SLC71A2: variants seen among roughly 807,000 people sequenced by gnomAD.
The protein encoded by SLC71A2 is hippocampus abundant transcript-like 1.
chr9:94,378,729 C>A, the SLC71A2 span, among the ~76,000 whole-genome samples: 1 of 152,196 alleles, frequency 6.6e-6, no homozygotes, highest in Non-Finnish European at 1.5e-5. Flanking sequence ...AAACAGCTGC[C>A]ACTAGACCCC....
At chr9:94,402,853 T>C in the SLC71A2 span, among the ~76,000 whole-genome samples, 2 of 152,242 alleles carry the variant, frequency 1.3e-5, no homozygotes, top group Non-Finnish European at 2.9e-5. Context: ...TTTTAATGCA[T>C]GATGTAGTTT....
chr9:94,418,608 G>A, the SLC71A2 span, among the ~76,000 whole-genome samples: 1 of 151,854 alleles, frequency 6.6e-6, no homozygotes, highest in Non-Finnish European at 1.5e-5. Context: ...ACTAATTTTT[G>A]TATTTTTAGT....
the SLC71A2 span, among the ~76,000 whole-genome samples, chr9:94,431,557 C>T: frequency 1.3e-5 from 2 of 151,274 alleles, no homozygotes; most frequent in African/African-American, 4.9e-5. Flanking sequence ...TAAAGAAAAG[C>T]CAAGTTAAAA....
chr9:94,389,211 T>G, the SLC71A2 span, among the ~76,000 whole-genome samples: 1 of 151,714 alleles, frequency 6.6e-6, no homozygotes, highest in African/African-American at 2.4e-5. Context: ...TTATGTGTGC[T>G]CTTCATAAGT....
chr9:94,459,323 G>A, the SLC71A2 span: 1 of 1,614,174 alleles, frequency 6.2e-7, no homozygotes, highest in Non-Finnish European at 8.5e-7. Context: ...ACGGGGCAGT[G>A]ATGAGGACAT....
At chr9:94,458,569 T>TTTTA in the SLC71A2 span, 5 of 1,137,184 alleles carry the variant, frequency 4.4e-6, no homozygotes, top group Non-Finnish European at 6.5e-6. Context: ...TGTTACTATA[T>TTTTA]TTTATTTGGC....
the SLC71A2 span, chr9:94,461,042 A>G: frequency 6.6e-6 from 1 of 152,156 alleles, no homozygotes; most frequent in African/African-American, 2.4e-5. Context: ...TTTCAAAAAA[A>G]TTTTATTTTT....
At chr9:94,423,415 G>T in the SLC71A2 span, among the ~76,000 whole-genome samples, 3,849 of 152,228 alleles carry the variant, frequency 0.025, 73 homozygotes, top group Non-Finnish European at 0.038. Flanking sequence ...CTCGGGCATG[G>T]AAAAAGACAT....
chr9:94,453,959 C>T, the SLC71A2 span: 61 of 1,605,828 alleles, frequency 3.8e-5, no homozygotes, highest in Non-Finnish European at 2.8e-5. Context: ...ACTTTGCAGA[C>T]GGCCTTTCTT....
chr9:94,454,013 T>G, the SLC71A2 span: 2 of 1,614,188 alleles, frequency 1.2e-6, no homozygotes, highest in Non-Finnish European at 1.7e-6. Context: ...ACTGTCCTCC[T>G]TGGCTTGGGC....
chr9:94,412,520 T>A, the SLC71A2 span, among the ~76,000 whole-genome samples: 3 of 152,078 alleles, frequency 2.0e-5, no homozygotes, highest in South Asian at 6.2e-4. Flanking sequence ...CAAAAACTTG[T>A]ACATCAATGT....
chr9:94,415,340 T>A, the SLC71A2 span: 1 of 940,470 alleles, frequency 1.1e-6, no homozygotes, highest in Non-Finnish European at 1.8e-6. Context: ...TAGATACGTG[T>A]TTGGGAGTAG....
the SLC71A2 span, among the ~76,000 whole-genome samples, chr9:94,424,297 C>T: frequency 1.3e-5 from 2 of 151,572 alleles, no homozygotes; most frequent in South Asian, 2.1e-4. Context: ...TGCAGTGGTG[C>T]GATCTCGGCT....
chr9:94,425,000 A>G, the SLC71A2 span, among the ~76,000 whole-genome samples: 1 of 151,312 alleles, frequency 6.6e-6, no homozygotes, highest in East Asian at 1.9e-4. Context: ...ATACTTTGAG[A>G]CTGTCCAGAT....
chr9:94,381,508 C>T, the SLC71A2 span, among the ~76,000 whole-genome samples: 1,302 of 150,324 alleles, frequency 8.7e-3, no homozygotes, highest in African/African-American at 0.024. Context: ...GGATGAACCA[C>T]GATTTGTACA....
At chr9:94,427,077 T>A in the SLC71A2 span, among the ~76,000 whole-genome samples, 1 of 152,228 alleles carries the variant, frequency 6.6e-6, no homozygotes, top group Admixed American at 6.5e-5. Flanking sequence ...AATACACCTT[T>A]TATTATTAGG....
At chr9:94,437,647 C>T in the SLC71A2 span, among the ~76,000 whole-genome samples, 9 of 150,076 alleles carry the variant, frequency 6.0e-5, no homozygotes, top group Non-Finnish European at 1.3e-4. Flanking sequence ...TTCTTTATCC[C>T]TGTGAGGCCC....
chr9:94,444,874 G>A, the SLC71A2 span: 16 of 1,183,422 alleles, frequency 1.4e-5, no homozygotes, highest in Non-Finnish European at 1.9e-5. Context: ...CTGAAGGTGT[G>A]CACCTGCAGC....
chr9:94,456,262 G>A, the SLC71A2 span: 19 of 1,613,884 alleles, frequency 1.2e-5, no homozygotes, highest in Non-Finnish European at 1.5e-5. Context: ...AGCAGGGACC[G>A]TGGCTGCCAT....
Sources: gnomAD v4.1 joint callset for allele counts (sites outside exome capture counted in the v4.1 genomes callset) on GRCh38, gnomAD v4.1.1 for gene constraint, MANE v1.5 for transcripts, NCBI Gene and HGNC (gene_info 2026-07-23, HGNC 2026-07-21) for gene names.